Variants in COPG2 observed in about 807,000 individuals in gnomAD.
COPG2 encodes coatomer subunit gamma-2.
Under a neutral mutation model 46.3 loss-of-function variants are expected in COPG2, and 37 were observed. The ratio of observed to expected loss-of-function variants is 0.80; its 90% CI spans 0.61 to 1.05. COPG2 has a LOEUF of 1.05. Ranked by LOEUF, COPG2 falls within the 50% of genes least tolerant of loss-of-function variation. The pLI, the probability that COPG2 is intolerant of heterozygous loss-of-function variation, is 0.00. For synonymous variants in COPG2, 159 were observed against 129.7 expected, an observed-to-expected ratio of 1.23 and a Z score of -1.53; for missense variants, 427 against 387.8, an observed-to-expected ratio of 1.10 and a Z score of -0.85.
chr7:130,650,435 C>T (rs574008069), intron 5 of COPG2, among the ~76,000 whole-genome samples: 3 of 152,156 alleles, frequency 2.0e-5, no homozygotes, highest in East Asian at 1.9e-4. Context: ...GTATTGACAG[C>T]GCTAAAAGAA....
At chr7:130,595,314 C>T (rs1412227877) in intron 9 of COPG2, among the ~76,000 whole-genome samples, 6 of 152,054 alleles carry the variant, frequency 3.9e-5, no homozygotes, top group Non-Finnish European at 7.4e-5. Context: ...ACAGGCAAAT[C>T]CAGAGACAAA....
rs190587689 is a variant in COPG2, at chr7:130,667,022, G to A, written c.91-93C>T. The A allele has an allele frequency of 1.0e-3, 668 of 647,312 alleles. 5 individuals carry two copies. In the African/African-American group the frequency reaches 0.011, roughly 11 times the overall value. 40.1% of individuals were successfully genotyped at this position (647,312 alleles called of 1,614,324 possible). On this transcript the variant is annotated intron_variant, in intron 2 of 23. Coordinates refer to ENST00000425248, the MANE Select transcript of COPG2 (RefSeq NM_012133.6). ...TTTAATACAGACTATTTTTAATCAC[G>A]GTATCCAAAGAACATTGTCTATAGT...
intron 17 of COPG2, 50 bp from the exon 18 acceptor site, chr7:130,549,426 A>G (rs2116384099): frequency 2.5e-6 from 1 of 398,520 alleles, no homozygotes; most frequent in East Asian, 3.6e-5. Flanking sequence ...ACTACTATCA[A>G]GCTAGCAATG....
intron 5 of COPG2, among the ~76,000 whole-genome samples, chr7:130,644,547 A>T (rs1453663682): frequency 6.6e-6 from 1 of 152,210 alleles, no homozygotes; most frequent in Non-Finnish European, 1.5e-5. Context: ...ATTTAAGTAG[A>T]TGTAAAAGTT....
At chr7:130,571,025 C>T (rs1245113230) in intron 9 of COPG2, among the ~76,000 whole-genome samples, 1 of 152,182 alleles carries the variant, frequency 6.6e-6, no homozygotes, top group African/African-American at 2.4e-5. Flanking sequence ...GGATCCTCAT[C>T]TCTCACCTTA....
rs994055465 is a variant in COPG2 at position 130,570,490 on chromosome 7, A to G, written c.738-6097T>C. Among the ~76,000 whole-genome samples, 8 of 152,334 alleles carry G rather than the reference A, an allele frequency of 5.3e-5. No homozygotes were observed. In the South Asian group the frequency reaches 1.2e-3, roughly 24 times the overall value. On this transcript the variant is annotated intron_variant, in intron 9 of 23. Transcript: ENST00000425248. ...AATAAAATACTTAGGAATATATCTA[A>G]CCAAGGAGGTGAAAGATTTCTACAA...
chr7:130,522,956 TAAAAA>T (rs1799736864), intron 20 of COPG2, among the ~76,000 whole-genome samples: 1 of 150,020 alleles, frequency 6.7e-6, no homozygotes, highest in African/African-American at 2.5e-5. Context: ...TGTCTCTACT[TAAAAA>T]GAAAAAAATC....
intron 5 of COPG2, among the ~76,000 whole-genome samples, chr7:130,621,482 T>C (rs1429556233): frequency 6.6e-6 from 1 of 152,176 alleles, no homozygotes; most frequent in Non-Finnish European, 1.5e-5. Context: ...TTATACACAA[T>C]ACATTAAGAA....
Position 130,583,366 on chromosome 7 carries a change from G to A in COPG2, c.738-18973C>T, listed in dbSNP as rs538523611. Among the ~76,000 whole-genome samples, 172 of 150,586 alleles carry A rather than the reference G, an allele frequency of 1.1e-3. 2 individuals carry two copies. The highest frequency in any genetic ancestry group is 3.8e-3 in the African/African-American group (157 of 41,038). On this transcript the variant is annotated intron_variant, in intron 9 of 23. Coordinates refer to ENST00000425248, the MANE Select transcript of COPG2 (RefSeq NM_012133.6). ...CTGTGGGGGGTGGGGGGAGTGGGGA[G>A]GGATAGCATTGGGAGATATACCTAA... is the stretch of plus-strand genomic sequence containing the variant.
intron 9 of COPG2, among the ~76,000 whole-genome samples, chr7:130,595,573 A>G (rs1250367101): frequency 6.6e-6 from 1 of 152,242 alleles, no homozygotes; most frequent in Non-Finnish European, 1.5e-5. Flanking sequence ...ATTTAAGTGA[A>G]CAAAAGCTAT....
chr7:130,507,403 A>T lies in COPG2; in HGVS notation c.2387-31T>A, dbSNP rs145030383. On this transcript the variant is annotated intron_variant, in intron 22 of 23. Coordinates refer to ENST00000425248, the MANE Select transcript of COPG2 (RefSeq NM_012133.6). ...TTGAGAAGATGTATGAGACAGTATT[A>T]GGAAAGTAAAGCACAGGGATCTCCC... 17 of 780,136 alleles carry T rather than the reference A, an allele frequency of 2.2e-5. No individual in the cohort carries two copies. The East Asian group carries it at 4.1e-4, about 19-fold the overall frequency. 48.3% of individuals were successfully genotyped at this position (780,136 alleles called of 1,614,324 possible).
rs1229956476 is a variant in COPG2 at position 130,615,592 on chromosome 7, G to A, written c.399+1398C>T. On this transcript the variant is annotated intron_variant, in intron 6 of 23. Transcript: ENST00000425248. ...AAATCCAATAAAATTTCATGTCAGG[G>A]AATTATATAATTGCAACAGCTAAGT... 2.6e-5 allele frequency among the ~76,000 whole-genome samples: 4 copies of A among 152,132 alleles called. No individual in the cohort carries two copies. The East Asian group carries it at 5.8e-4, about 22-fold the overall frequency.
chr7:130,529,688 G>T (rs1455914637), intron 20 of COPG2, among the ~76,000 whole-genome samples: 1 of 152,144 alleles, frequency 6.6e-6, no homozygotes, highest in Admixed American at 6.5e-5. Context: ...AAGGAAGCTG[G>T]TCAGCACTGC....
chr7:130,604,607 A>G (rs1794695740), intron 9 of COPG2: 1 of 371,938 alleles, frequency 2.7e-6, no homozygotes, highest in Admixed American at 3.4e-5. Context: ...ATATATAGCC[A>G]TATTATCTCC....
chr7:130,541,681 A>G (rs968133516), intron 20 of COPG2, among the ~76,000 whole-genome samples: 6 of 151,486 alleles, frequency 4.0e-5, no homozygotes, highest in Non-Finnish European at 7.4e-5. Context: ...GGTTTAGGGG[A>G]GTCAGGGTTG....
intron 3 of COPG2, among the ~76,000 whole-genome samples, chr7:130,664,075 G>A (rs1796029458): frequency 6.6e-6 from 1 of 152,098 alleles, no homozygotes; most frequent in African/African-American, 2.4e-5. Flanking sequence ...TGCAAATGCT[G>A]ATCTGGGAAC....
intron 20 of COPG2, among the ~76,000 whole-genome samples, chr7:130,546,299 C>T (rs1356118319): frequency 2.6e-5 from 4 of 152,130 alleles, no homozygotes; most frequent in African/African-American, 9.7e-5. Context: ...ATAAAACTAG[C>T]TTTACTTAAG....
At chr7:130,583,978 C>G (rs947980086) in intron 9 of COPG2, among the ~76,000 whole-genome samples, 11 of 151,700 alleles carry the variant, frequency 7.3e-5, no homozygotes, top group Admixed American at 2.6e-4. Context: ...CAGTATTGCC[C>G]TAATACCAAA....
intron 20 of COPG2, among the ~76,000 whole-genome samples, chr7:130,537,860 C>G (rs1799896627): frequency 6.6e-6 from 1 of 152,102 alleles, no homozygotes; most frequent in African/African-American, 2.4e-5. Context: ...TGAGATGAGG[C>G]CACAGAAACA....
Sources: allele counts gnomAD v4.1 joint callset (sites outside exome capture counted in the v4.1 genomes callset), GRCh38; gene constraint gnomAD v4.1.1; transcripts MANE v1.5; gene names NCBI Gene and HGNC (gene_info 2026-07-23, HGNC 2026-07-21).